The following AGBL4 variants were observed in gnomAD, a reference collection of about 807,000 sequenced individuals.
The protein encoded by AGBL4 is cytosolic carboxypeptidase 6.
A neutral mutation model predicts 66.4 loss-of-function variants in AGBL4; 58 were observed. That is an observed-to-expected ratio of 0.87 (90% CI 0.71 to 1.09). The LOEUF (loss-of-function observed/expected upper bound fraction) is 1.09, where lower values mean the gene tolerates loss of function less well. Ranked by LOEUF, AGBL4 falls within the 50% of genes least tolerant of loss-of-function variation. AGBL4 has a pLI of 0.00. For missense variants in AGBL4, 579 were observed against 631.0 expected (o/e 0.92, Z 0.88); for synonymous variants, 234 against 222.9 (o/e 1.05, Z -0.44).
intron 6 of AGBL4, among the ~76,000 whole-genome samples, chr1:48,699,265 T>C (rs1469505424): frequency 6.6e-6 from 1 of 152,254 alleles, no homozygotes; most frequent in Non-Finnish European, 1.5e-5. Context: ...CAGACCCTTT[T>C]AGCCCCTGAG....
At chr1:49,551,424 ACT>A (rs1183878007) in intron 3 of AGBL4, among the ~76,000 whole-genome samples, 4 of 151,970 alleles carry the variant, frequency 2.6e-5, no homozygotes, top group African/African-American at 9.7e-5. Context: ...ATTTGGGTAG[ACT>A]CTGTCAGAGG....
At chr1:48,729,527 C>T (rs976808924) in intron 6 of AGBL4, among the ~76,000 whole-genome samples, 1 of 152,130 alleles carries the variant, frequency 6.6e-6, no homozygotes. Context: ...GGAATTGTCT[C>T]AGAGATGCAG....
At chr1:49,859,549 T>C (rs1646517016) in intron 1 of AGBL4, among the ~76,000 whole-genome samples, 1 of 152,144 alleles carries the variant, frequency 6.6e-6, no homozygotes, top group South Asian at 2.1e-4. Flanking sequence ...AGCTACTTAT[T>C]CTCAGCATAT....
At chr1:49,104,122 T>A (rs890013660) in intron 4 of AGBL4, among the ~76,000 whole-genome samples, 1 of 152,150 alleles carries the variant, frequency 6.6e-6, no homozygotes, top group Admixed American at 6.6e-5. Flanking sequence ...AAGCTTCTTC[T>A]TCCTCCTTCT....
chr1:49,311,167 A>C (rs1644935308), intron 3 of AGBL4, among the ~76,000 whole-genome samples: 1 of 152,070 alleles, frequency 6.6e-6, no homozygotes, highest in Admixed American at 6.6e-5. Flanking sequence ...AACAAATTGC[A>C]ATCCTTATTT....
At chr1:49,204,958 A>C (rs751030115) in intron 4 of AGBL4, among the ~76,000 whole-genome samples, 4 of 152,110 alleles carry the variant, frequency 2.6e-5, no homozygotes, top group Non-Finnish European at 5.9e-5. Context: ...AGTGATTGGC[A>C]GTTGTTGTCT....
rs879375240 is a variant in AGBL4 at position 49,372,604 on chromosome 1, TC to T, written c.283-126741del. 4.8e-3 allele frequency among the ~76,000 whole-genome samples: 697 copies of T among 146,364 alleles called. 2 individuals are homozygous for T. The highest frequency in any genetic ancestry group is 7.4e-3 in the Non-Finnish European group (487 of 66,004). ...AATCTTTCTTTCTTTCTTTTCTTTT[TC>T]TTTTTCTTTCTTTCTTTCTTTCTTT... On this transcript the variant is annotated intron_variant, in intron 3 of 13. Transcript: ENST00000371839.
chr1:49,138,190 T>A (rs192370823), intron 4 of AGBL4, among the ~76,000 whole-genome samples: 8 of 152,174 alleles, frequency 5.3e-5, no homozygotes, highest in Admixed American at 2.6e-4. Context: ...GAGACTTTTA[T>A]AAGTTGTCCC....
At chr1:48,943,758 T>TTTGTTG (rs61662632) in intron 5 of AGBL4, among the ~76,000 whole-genome samples, 30 of 151,194 alleles carry the variant, frequency 2.0e-4, no homozygotes, top group African/African-American at 3.2e-4. Context: ...TGGGTGGTTG[T>TTTGTTG]TTGTTGTTGT....
chr1:48,874,093 C>T (rs562951092), intron 5 of AGBL4, among the ~76,000 whole-genome samples: 73 of 152,242 alleles, frequency 4.8e-4, no homozygotes, highest in African/African-American at 1.4e-3. Flanking sequence ...ATAAGAACAC[C>T]AGTAATCCCC....
intron 1 of AGBL4, among the ~76,000 whole-genome samples, chr1:49,959,429 G>A (rs1656935783): frequency 6.6e-6 from 1 of 152,066 alleles, no homozygotes; most frequent in Non-Finnish European, 1.5e-5. Flanking sequence ...CAGAAAAGCT[G>A]AGTTGAGGGA....
chr1:48,839,993 A>G (rs1646762875), intron 6 of AGBL4, among the ~76,000 whole-genome samples: 2 of 152,172 alleles, frequency 1.3e-5, no homozygotes, highest in South Asian at 2.1e-4. Context: ...GGGTCAGGAA[A>G]GGAAGATGGC....
At chr1:49,286,582 A>G (rs1419044220) in intron 3 of AGBL4, among the ~76,000 whole-genome samples, 1 of 152,086 alleles carries the variant, frequency 6.6e-6, no homozygotes. Flanking sequence ...ACAAACAGAG[A>G]GCCAAATCAT....
chr1:49,282,017 T>G (rs765821443), intron 3 of AGBL4, among the ~76,000 whole-genome samples: 2 of 152,088 alleles, frequency 1.3e-5, no homozygotes, highest in Admixed American at 1.3e-4. Context: ...GCATCTGAAG[T>G]GGGAGGCAAG....
intron 3 of AGBL4, among the ~76,000 whole-genome samples, chr1:49,374,874 C>A (rs1644439681): frequency 6.6e-6 from 1 of 152,142 alleles, no homozygotes; most frequent in Non-Finnish European, 1.5e-5. Flanking sequence ...GTCATACCTA[C>A]AGTTAAACCT....
At chr1:49,452,370 T>C (rs1646296609) in intron 3 of AGBL4, among the ~76,000 whole-genome samples, 1 of 151,950 alleles carries the variant, frequency 6.6e-6, no homozygotes, top group African/African-American at 2.4e-5. Flanking sequence ...CTTAAAACTC[T>C]TTAATATATT....
At chr1:48,540,259 C>G (rs1456525304) in intron 11 of AGBL4, among the ~76,000 whole-genome samples, 1 of 152,170 alleles carries the variant, frequency 6.6e-6, no homozygotes, top group Non-Finnish European at 1.5e-5. Flanking sequence ...TCCCACTGCA[C>G]CTTGAAATTC....
At position 49,449,189 on chromosome 1, in the gene AGBL4, T is replaced by C. The variant is rs376918418; in HGVS notation, c.283-203325A>G. On this transcript the variant is annotated intron_variant, in intron 3 of 13. Transcript: ENST00000371839. ...AGATTAAGGAAATAAAATGACTAAA[T>C]TTATACATGCAGTAAGTACCTGAGG... Among the ~76,000 whole-genome samples the C allele has an allele frequency of 2.0e-3, 298 of 152,140 alleles. 3 individuals carry two copies. Among genetic ancestry groups the C allele is most frequent in the South Asian group, 0.011 (53 of 4,810 alleles).
At chr1:49,932,136 T>C (rs1653427859) in intron 1 of AGBL4, among the ~76,000 whole-genome samples, 1 of 152,150 alleles carries the variant, frequency 6.6e-6, no homozygotes, top group Admixed American at 6.6e-5. Context: ...ATTGAAACTG[T>C]ACTGGCATCA....
Sources: gnomAD v4.1 joint callset for allele counts (sites outside exome capture counted in the v4.1 genomes callset) on GRCh38, gnomAD v4.1.1 for gene constraint, MANE v1.5 for transcripts, NCBI Gene and HGNC (gene_info 2026-07-23, HGNC 2026-07-21) for gene names.